Variants in SYNDIG1 observed in about 807,000 individuals in gnomAD.
SYNDIG1 encodes synapse differentiation inducing 1.
SYNDIG1 carries 9 observed loss-of-function variants against 19.4 expected under a neutral mutation model. That is an observed-to-expected ratio of 0.46 (90% CI 0.28 to 0.81). The LOEUF (loss-of-function observed/expected upper bound fraction) is 0.81. Among genes scored for constraint, SYNDIG1 ranks in the 30% least tolerant of loss-of-function variants. The probability of loss-of-function intolerance (pLI) is 0.12; values close to 1 mark genes in which losing one functional copy is unlikely to be tolerated. For synonymous variants in SYNDIG1, 141 were observed against 145.9 expected (o/e 0.97, Z 0.24); for missense variants, 311 against 343.3 (o/e 0.91, Z 0.74).
intron 2 of SYNDIG1, among the ~76,000 whole-genome samples, chr20:24,554,270 C>G (rs1241592308): frequency 6.6e-6 from 1 of 152,148 alleles, no homozygotes; most frequent in Non-Finnish European, 1.5e-5. Context: ...ATTTGACTTC[C>G]TCTTTTCCTA....
chr20:24,661,417 A>G, intron 3 of SYNDIG1, among the ~76,000 whole-genome samples: 1 of 109,012 alleles, frequency 9.2e-6, no homozygotes, highest in African/African-American at 3.3e-5. Context: ...AAGAAGGAGG[A>G]GTTAGGAAGG....
intron 3 of SYNDIG1, among the ~76,000 whole-genome samples, chr20:24,638,113 G>A (rs980328150): frequency 1.3e-5 from 2 of 152,294 alleles, no homozygotes; most frequent in South Asian, 2.1e-4. Flanking sequence ...CAAGTGAAGC[G>A]GGCACGGCTC....
In SYNDIG1 at chr20:24,637,477, C is replaced by T. The variant is rs116896416; in HGVS notation, c.619-27869C>T. ...CAGAGACATCAGCCCTCAGAGGTCC[C>T]ACCTAGCCACTGGATCTTCTTCATG... On this transcript the variant is annotated intron_variant, in intron 3 of 3. Transcript: ENST00000376862. 3.5e-4 allele frequency among the ~76,000 whole-genome samples: 54 copies of T among 152,312 alleles called. No individual in the cohort carries two copies. The East Asian group carries it at 9.5e-3, about 27-fold the overall frequency.
rs373604713 is a variant in SYNDIG1 at position 24,560,875 on chromosome 20, CA to C, written c.480+17310del. ...ATTGTTACTTGGTGTTTCTAAAAAA[CA>C]AAAAAAAAAAAGTGTTGTTTTGGGT... On this transcript the variant is annotated intron_variant, in intron 2 of 3. Transcript: ENST00000376862. Among the ~76,000 whole-genome samples, 383 of 141,736 alleles carry C rather than the reference CA, an allele frequency of 2.7e-3. 1 individual carries two copies. The highest frequency in any genetic ancestry group is 0.012 in the East Asian group (56 of 4,750). 93.0% of individuals were successfully genotyped at this position (141,736 alleles called of 152,430 possible).
chr20:24,576,573 T>G (rs534550486), intron 2 of SYNDIG1, among the ~76,000 whole-genome samples: 1 of 152,206 alleles, frequency 6.6e-6, no homozygotes, highest in Non-Finnish European at 1.5e-5. Flanking sequence ...CTTGTCATGG[T>G]TGACTCCTGA....
chr20:24,619,270 C>A (rs1044304870), intron 3 of SYNDIG1, among the ~76,000 whole-genome samples: 1 of 152,210 alleles, frequency 6.6e-6, no homozygotes, highest in Non-Finnish European at 1.5e-5. Flanking sequence ...TAACAAGGAT[C>A]TGGACTGGCT....
At position 24,654,595 on chromosome 20, in the gene SYNDIG1, G is replaced by A. The variant is rs184864727; in HGVS notation, c.619-10751G>A. On this transcript the variant is annotated intron_variant, in intron 3 of 3. Transcript: ENST00000376862. ...AGCAAGCAAGAGAAAGGAAGACAGA[G>A]AGAAAGAAAGGAGAGAAGGAAGAGA... 2.3e-3 allele frequency among the ~76,000 whole-genome samples: 341 copies of A among 145,416 alleles called. 3 individuals carry two copies. Among genetic ancestry groups the A allele is most frequent in the African/African-American group, 8.3e-3 (328 of 39,670 alleles).
At chr20:24,648,736 A>G (rs560866130) in intron 3 of SYNDIG1, among the ~76,000 whole-genome samples, 1 of 152,352 alleles carries the variant, frequency 6.6e-6, no homozygotes, top group East Asian at 1.9e-4. Context: ...GTTAGAAACG[A>G]GTGCCCAAGC....
Position 24,655,780 on chromosome 20 carries a change from A to T in SYNDIG1, c.619-9566A>T, listed in dbSNP as rs954130905. ...AAATACATCTGTATACTCATCAAAA[A>T]AAAAAAAAAAAGACTAGAATGTTCA... On this transcript the variant is annotated intron_variant, in intron 3 of 3. Coordinates refer to ENST00000376862, the MANE Select transcript of SYNDIG1 (RefSeq NM_024893.3). Among the ~76,000 whole-genome samples the T allele has an allele frequency of 1.2e-4, 19 of 152,202 alleles. No homozygotes were observed. In the Middle Eastern group the frequency reaches 0.01, roughly 82 times the overall value.
Position 24,584,770 on chromosome 20 carries a change from G to A in SYNDIG1, c.481-86G>A, listed in dbSNP as rs780026001. ...TCCCGGGGAGGGCCTGCGCCAGCCA[G>A]GGGTCATCCCACATCCCTGGACACC... is the stretch of plus-strand genomic sequence containing the variant. On this transcript the variant is annotated intron_variant, in intron 2 of 3. Transcript: ENST00000376862. 1.4e-5 allele frequency: 23 copies of A among 1,593,754 alleles called. No individual in the cohort carries two copies. In the South Asian group the frequency reaches 2.0e-4, roughly 14 times the overall value.
intron 1 of SYNDIG1, among the ~76,000 whole-genome samples, chr20:24,482,943 G>C (rs1334450467): frequency 6.6e-6 from 1 of 152,178 alleles, no homozygotes; most frequent in African/African-American, 2.4e-5. Flanking sequence ...AGAGTAGAAT[G>C]GAAATAGGAA....
chr20:24,578,689 G>A (rs1184179251), intron 2 of SYNDIG1, among the ~76,000 whole-genome samples: 1 of 152,184 alleles, frequency 6.6e-6, no homozygotes, highest in Non-Finnish European at 1.5e-5. Context: ...GACGGCAGGT[G>A]CACAGGCTCT....
intron 1 of SYNDIG1, among the ~76,000 whole-genome samples, chr20:24,503,956 GTTTTTTTTTT>G (rs777270289): frequency 4.8e-5 from 6 of 125,282 alleles, no homozygotes; most frequent in Middle Eastern, 4.2e-3. Flanking sequence ...GGGAGAGCAG[GTTTTTTTTTT>G]TTTTTTTTTT....
At chr20:24,627,535 G>C (rs1049379131) in intron 3 of SYNDIG1, among the ~76,000 whole-genome samples, 1 of 152,180 alleles carries the variant, frequency 6.6e-6, no homozygotes, top group African/African-American at 2.4e-5. Flanking sequence ...TCCGCATTCC[G>C]ATGTCCGTTG....
In SYNDIG1 at chr20:24,666,031, G is replaced by A. The variant is rs143668485; in HGVS notation, c.*527G>A. The A allele has an allele frequency of 1.4e-3, 231 of 159,444 alleles. 2 individuals are homozygous for A. Among genetic ancestry groups the A allele is most frequent in the African/African-American group, 5.2e-3 (216 of 41,570 alleles). 9.9% of individuals were successfully genotyped at this position (159,444 alleles called of 1,614,324 possible). ...CAACACCACGGCTGGCAGGAGCCCC[G>A]CTGCACTGCTCTGCAGACCCATTGG... On this transcript the variant is annotated 3_prime_UTR_variant, in exon 4 of 4. Coordinates refer to ENST00000376862, the MANE Select transcript of SYNDIG1 (RefSeq NM_024893.3).
intron 1 of SYNDIG1, among the ~76,000 whole-genome samples, chr20:24,492,658 C>T (rs1009437371): frequency 1.3e-5 from 2 of 152,156 alleles, no homozygotes; most frequent in Admixed American, 1.3e-4. Flanking sequence ...CTCCACCCCT[C>T]CTTCCCCCGC....
intron 2 of SYNDIG1, among the ~76,000 whole-genome samples, chr20:24,572,411 C>T (rs2058158934): frequency 6.6e-6 from 1 of 152,214 alleles, no homozygotes; most frequent in African/African-American, 2.4e-5. Context: ...TGTGCCACAT[C>T]TTCGGCAGCT....
At chr20:24,587,906 T>C (rs746392387) in intron 3 of SYNDIG1, among the ~76,000 whole-genome samples, 2 of 152,242 alleles carry the variant, frequency 1.3e-5, no homozygotes, top group Admixed American at 6.5e-5. Flanking sequence ...TCAGGCTGTG[T>C]CTGCTCATTG....
intron 3 of SYNDIG1, among the ~76,000 whole-genome samples, chr20:24,643,035 G>T (rs1202016952): frequency 6.6e-6 from 1 of 152,046 alleles, no homozygotes; most frequent in Non-Finnish European, 1.5e-5. Context: ...ATTTCTACTT[G>T]TTTAAATATG....
Sources: gnomAD v4.1 joint callset for allele counts (sites outside exome capture counted in the v4.1 genomes callset) on GRCh38, gnomAD v4.1.1 for gene constraint, MANE v1.5 for transcripts, NCBI Gene and HGNC (gene_info 2026-07-23, HGNC 2026-07-21) for gene names.